Variants in HTR7 observed in about 807,000 individuals in gnomAD.
HTR7 encodes 5-HT-7.
A neutral mutation model predicts 34.0 loss-of-function variants in HTR7; 16 were observed. The ratio of observed to expected loss-of-function variants is 0.47; its 90% CI spans 0.32 to 0.71. HTR7 has a LOEUF of 0.71. HTR7 is among the 30% of genes least tolerant of loss of function. HTR7 has a pLI of 0.04. For missense variants in HTR7, 504 were observed against 625.5 expected, an observed-to-expected ratio of 0.81 and a Z score of 2.07; for synonymous variants, 265 against 260.2, an observed-to-expected ratio of 1.02 and a Z score of -0.18.
At chr10:90,745,323 G>A (rs1370465835) in intron 2 of HTR7, among the ~76,000 whole-genome samples, 2 of 152,102 alleles carry the variant, frequency 1.3e-5, no homozygotes, top group Non-Finnish European at 2.9e-5. Context: ...TCCTTACATG[G>A]TAGAAGGTAT....
At chr10:90,829,440 T>C (rs1376468378) in intron 1 of HTR7, among the ~76,000 whole-genome samples, 2 of 152,144 alleles carry the variant, frequency 1.3e-5, no homozygotes, top group African/African-American at 2.4e-5. Context: ...TTTTGTTACA[T>C]AGGTATACAC....
chr10:90,760,910 CT>C (rs1396236163), intron 1 of HTR7, among the ~76,000 whole-genome samples: 1 of 151,938 alleles, frequency 6.6e-6, no homozygotes, highest in Non-Finnish European at 1.5e-5. Flanking sequence ...AACACGTACC[CT>C]ATAAATATGT....
chr10:90,805,073 G>T (rs7923190), intron 1 of HTR7, among the ~76,000 whole-genome samples: 4,791 of 152,232 alleles, frequency 0.031, 216 homozygotes, highest in African/African-American at 0.1. Context: ...CTTTTGCAGG[G>T]TACCAGATAT....
chr10:90,751,256 C>G (rs528442305), intron 1 of HTR7, among the ~76,000 whole-genome samples: 1 of 151,870 alleles, frequency 6.6e-6, no homozygotes, highest in Non-Finnish European at 1.5e-5. Flanking sequence ...AAGAAAAAGG[C>G]GGGCAGTGCG....
rs148490979 is a variant in HTR7 at position 90,851,492 on chromosome 10, C to T, written c.539+5641G>A. The stretch of plus-strand genomic sequence containing the variant: ...TGGTGGCAGACGCCTGTACTCCCAG[C>T]TACTCTGGAGGCTAAGGCAGGAGAA... On this transcript the variant is annotated intron_variant, in intron 1 of 3. Coordinates refer to ENST00000336152, the MANE Select transcript of HTR7 (RefSeq NM_019859.4). Among the ~76,000 whole-genome samples the T allele has an allele frequency of 6.6e-5, 10 of 150,550 alleles. No individual in the cohort carries two copies. In the East Asian group the frequency reaches 2.0e-3, roughly 30 times the overall value.
chr10:90,746,118 C>T (rs1481311622), intron 2 of HTR7, among the ~76,000 whole-genome samples: 1 of 152,180 alleles, frequency 6.6e-6, no homozygotes, highest in Non-Finnish European at 1.5e-5. Flanking sequence ...AATCATTTGA[C>T]TTCTCCACGC....
rs538587539 is a variant in HTR7, at chr10:90,823,975, T to C, written c.539+33158A>G. 2.6e-5 allele frequency among the ~76,000 whole-genome samples: 4 copies of C among 152,286 alleles called. No homozygotes were observed. The South Asian group carries it at 6.2e-4, about 24-fold the overall frequency. On this transcript the variant is annotated intron_variant, in intron 1 of 3. Transcript: ENST00000336152. The stretch of plus-strand genomic sequence containing the variant: ...CCTGTAGAGCCTTCAGAATTGTGAG[T>C]CAATTAAACCCCTTTTCTTCATAAA...
At position 90,857,596 on chromosome 10, in the gene HTR7, G is replaced by A. The variant is rs1298041608; in HGVS notation, c.76C>T (p.Arg26Cys). 2.5e-6 allele frequency: 4 copies of A among 1,596,890 alleles called. No individual in the cohort carries two copies. The highest frequency in any genetic ancestry group is 3.4e-6 in the Non-Finnish European group (4 of 1,173,844). ...TCGGGGCTCAAGTCGGGCAGCCCGC[G>A]CCCCACTTCTGGCAGAAGGAAAGAG... ...LRSFLLPEVG[R>C]GLPDLSPDGG... The change falls in exon 1 of 4, where the codon CGC becomes TGC. Residue 26 changes from arginine (R) to cysteine (C), a missense_variant. Arg to Cys is a radical substitution (Grantham distance 180). Coordinates refer to ENST00000336152, the MANE Select transcript of HTR7 (RefSeq NM_019859.4). The surrounding 1 kb of genome is among the most constrained non-coding windows in gnomAD (Gnocchi z 6.5).
chr10:90,748,704 G>T, intron 2 of HTR7, 135 bp downstream of exon 2: 1 of 1,006,586 alleles, frequency 9.9e-7, no homozygotes, highest in Non-Finnish European at 1.5e-6. Flanking sequence ...AGTCTATACT[G>T]TTGTCAATTC....
chr10:90,741,440 T>C lies in HTR7; in HGVS notation c.*1042A>G, dbSNP rs896237498. On this transcript the variant is annotated 3_prime_UTR_variant, in exon 4 of 4. Transcript: ENST00000336152. ...AAGATACATAGAACACAAAAACAAATTCTCTAGAAGGAACAGACTGGTGTT... is the reference window on the plus strand; with the variant it reads ...AAGATACATAGAACACAAAAACAAACTCTCTAGAAGGAACAGACTGGTGTT... 6.6e-6 allele frequency: 1 copy of C among 152,180 alleles called. No individual in the cohort carries two copies. Among genetic ancestry groups the C allele is most frequent in the Non-Finnish European group, 1.5e-5 (1 of 68,026 alleles). The allele number at this position is 152,180 out of a possible 1,614,324, so 9.4% of individuals were successfully genotyped here. A position where few individuals can be genotyped will look rare whatever the true frequency, so the allele number is the denominator to read the frequency against.
At chr10:90,789,148 G>A (rs370908168) in intron 1 of HTR7, among the ~76,000 whole-genome samples, 10 of 152,150 alleles carry the variant, frequency 6.6e-5, no homozygotes, top group Admixed American at 3.9e-4. Flanking sequence ...ACTGACTACT[G>A]AAACCAGAAG....
chr10:90,787,345 G>C lies in HTR7; in HGVS notation c.540-37751C>G, dbSNP rs146557083. On this transcript the variant is annotated intron_variant, in intron 1 of 3. Coordinates refer to ENST00000336152, the MANE Select transcript of HTR7 (RefSeq NM_019859.4). ...TCTATTAAAAATACAAAAATTAGCT[G>C]TGTGTGGTGGCACGCACCTGTACTC... Among the ~76,000 whole-genome samples the C allele has an allele frequency of 4.7e-3, 708 of 152,182 alleles. 2 individuals carry two copies. Among genetic ancestry groups the C allele is most frequent in the South Asian group, 0.017 (80 of 4,810 alleles).
intron 2 of HTR7, among the ~76,000 whole-genome samples, chr10:90,745,970 A>C (rs536459375): frequency 9.5e-4 from 144 of 152,332 alleles, no homozygotes; most frequent in Non-Finnish European, 1.3e-3. Flanking sequence ...AAAGATACAA[A>C]GGCAAATATC....
At chr10:90,853,376 C>G (rs1267889809) in intron 1 of HTR7, among the ~76,000 whole-genome samples, 1 of 150,832 alleles carries the variant, frequency 6.6e-6, no homozygotes, top group Non-Finnish European at 1.5e-5. Context: ...GCCTCAACCT[C>G]CTGGGCCAAA....
chr10:90,818,041 G>A (rs1467240785), intron 1 of HTR7, among the ~76,000 whole-genome samples: 3 of 152,148 alleles, frequency 2.0e-5, no homozygotes, highest in African/African-American at 7.2e-5. Flanking sequence ...TGGAACTAGA[G>A]GACAGAAGTG....
chr10:90,752,232 AAAAT>A (rs1401379699), intron 1 of HTR7, among the ~76,000 whole-genome samples: 1 of 152,230 alleles, frequency 6.6e-6, no homozygotes, highest in South Asian at 2.1e-4. Flanking sequence ...GTCTGGATAT[AAAAT>A]AAATAAACAA....
chr10:90,818,590 TCTCACACTCTCTTGGC>T (rs973806067), intron 1 of HTR7, among the ~76,000 whole-genome samples: 11 of 152,094 alleles, frequency 7.2e-5, no homozygotes, highest in Non-Finnish European at 1.2e-4. Flanking sequence ...CCTCTCATGT[TCTCACACTCTCTTGGC>T]CTCACACTCT....
At chr10:90,797,770 T>C (rs544384840) in intron 1 of HTR7, among the ~76,000 whole-genome samples, 10 of 152,354 alleles carry the variant, frequency 6.6e-5, no homozygotes, top group Non-Finnish European at 1.2e-4. Flanking sequence ...CATGCTGTCT[T>C]TGTTCATTTT....
intron 2 of HTR7, among the ~76,000 whole-genome samples, chr10:90,747,201 G>A (rs1385332960): frequency 2.0e-5 from 3 of 152,268 alleles, no homozygotes; most frequent in Admixed American, 6.5e-5. Context: ...AGCATGTAGC[G>A]GGTGTTCAAT....
Sources: allele counts gnomAD v4.1 joint callset (sites outside exome capture counted in the v4.1 genomes callset), GRCh38; gene constraint gnomAD v4.1.1; non-coding constraint Gnocchi (gnomAD v3.1); transcripts MANE v1.5; gene names NCBI Gene and HGNC (gene_info 2026-07-23, HGNC 2026-07-21).